The following GALK2 variants were observed in gnomAD, a reference collection of about 807,000 sequenced individuals.
The protein encoded by GALK2 is N-acetylgalactosamine kinase.
Under a neutral mutation model 52.4 loss-of-function variants are expected in GALK2, and 36 were observed. The ratio of observed to expected loss-of-function variants is 0.69; its 90% CI spans 0.53 to 0.91. The LOEUF (loss-of-function observed/expected upper bound fraction) is 0.91, where lower values mean the gene tolerates loss of function less well. GALK2 is among the 40% of genes least tolerant of loss of function. The probability of loss-of-function intolerance (pLI) is 0.00; values close to 1 mark genes in which losing one functional copy is unlikely to be tolerated. For missense variants in GALK2, 579 were observed against 559.1 expected (o/e 1.04, Z -0.36); for synonymous variants, 176 against 199.1 (o/e 0.88, Z 0.98).
chr15:49,323,555 A>G (rs942395130), intron 9 of GALK2, among the ~76,000 whole-genome samples: 1 of 152,230 alleles, frequency 6.6e-6, no homozygotes, highest in Non-Finnish European at 1.5e-5. Flanking sequence ...GTATGAAAAG[A>G]CAACTAATTG....
At position 49,281,973 on chromosome 15, in the gene GALK2, T is replaced by G. The variant is rs760794379; in HGVS notation, c.505-14T>G. 11 of 1,602,038 alleles carry G rather than the reference T, an allele frequency of 6.9e-6. No homozygotes were observed. The Admixed American group carries it at 1.7e-4, about 24-fold the overall frequency. ...ATGACTACTCACAGTACAAATCAGT[T>G]TTTACCTTTCCAGGTGGAACTTGCA... On this transcript the variant is annotated splice_polypyrimidine_tract_variant and intron_variant, in intron 5 of 9. Transcript: ENST00000560031.
chr15:49,184,243 A>G (rs2086184884), intron 1 of GALK2, among the ~76,000 whole-genome samples: 1 of 151,146 alleles, frequency 6.6e-6, no homozygotes, highest in Non-Finnish European at 1.5e-5. Flanking sequence ...CTCTTCTTAT[A>G]GTTTTTTTTT....
intron 5 of GALK2, among the ~76,000 whole-genome samples, chr15:49,245,314 G>T (rs1175084230): frequency 1.3e-5 from 2 of 152,160 alleles, no homozygotes; most frequent in Non-Finnish European, 2.9e-5. Flanking sequence ...CATTGCATTG[G>T]GGATAGGGAT....
At chr15:49,324,114 T>C (rs1447388871) in intron 9 of GALK2, among the ~76,000 whole-genome samples, 5 of 152,194 alleles carry the variant, frequency 3.3e-5, no homozygotes, top group Non-Finnish European at 5.9e-5. Flanking sequence ...GGTTAATGCC[T>C]TTTGTTTTTG....
intron 1 of GALK2, among the ~76,000 whole-genome samples, chr15:49,196,048 C>T (rs1276101956): frequency 6.6e-6 from 1 of 152,032 alleles, no homozygotes; most frequent in Non-Finnish European, 1.5e-5. Context: ...CTTTATCCCC[C>T]ATATTATTAA....
intron 8 of GALK2, among the ~76,000 whole-genome samples, chr15:49,294,500 T>C (rs1019528790): frequency 3.3e-5 from 5 of 152,166 alleles, no homozygotes; most frequent in African/African-American, 1.2e-4. Context: ...TGGGAGGTAA[T>C]CAATATTTAT....
At chr15:49,352,350 G>C (rs375063474) in intron 3 of GALK2, among the ~76,000 whole-genome samples, 35 of 152,298 alleles carry the variant, frequency 2.3e-4, no homozygotes, top group African/African-American at 8.2e-4. Flanking sequence ...GAATTGGTGA[G>C]GTCACATTGT....
intron 5 of GALK2, among the ~76,000 whole-genome samples, chr15:49,249,752 A>G (rs1218887294): frequency 2.0e-5 from 3 of 152,228 alleles, no homozygotes; most frequent in Non-Finnish European, 4.4e-5. Flanking sequence ...TGCTAGCTCT[A>G]ATAAAGAAAT....
chr15:49,219,348 A>G (rs747596784), intron 3 of GALK2, among the ~76,000 whole-genome samples: 5 of 152,060 alleles, frequency 3.3e-5, no homozygotes, highest in Middle Eastern at 3.2e-3. Flanking sequence ...TTTGCCTGAC[A>G]CCATTGATAT....
chr15:49,175,908 C>T (rs933657169), intron 1 of GALK2, among the ~76,000 whole-genome samples: 30 of 152,160 alleles, frequency 2.0e-4, no homozygotes, highest in African/African-American at 6.5e-4. Context: ...CTTGCTCAAT[C>T]GATCATGACC....
chr15:49,304,403 CAA>C (rs928138208), intron 8 of GALK2, among the ~76,000 whole-genome samples: 6 of 152,284 alleles, frequency 3.9e-5, no homozygotes, highest in Admixed American at 2.0e-4. Flanking sequence ...CATAAGTCAG[CAA>C]AAGAGTTTGT....
chr15:49,258,834 G>C (rs1283340535), intron 5 of GALK2, among the ~76,000 whole-genome samples: 7 of 145,586 alleles, frequency 4.8e-5, no homozygotes, highest in Admixed American at 2.7e-4. Context: ...GTGTGTGAGA[G>C]AGAGAGAGAG....
At position 49,170,250 on chromosome 15, in the gene GALK2, G is replaced by A; in HGVS notation, c.-73G>A. On this transcript the variant is annotated 5_prime_UTR_variant, in exon 1 of 10. Transcript: ENST00000560031. ...CCGGAAGAAAACGGCTCCTGTCACA[G>A]AAGTCTCGTGATTGCTCTGGGAGCT... is the stretch of plus-strand genomic sequence containing the variant. 1 of 1,544,826 alleles carries A rather than the reference G, an allele frequency of 6.5e-7. No homozygotes were observed. The highest frequency in any genetic ancestry group is 2.0e-5 in the Admixed American group (1 of 50,562).
At chr15:49,318,782 C>G (rs914697561) in intron 8 of GALK2, among the ~76,000 whole-genome samples, 2 of 152,138 alleles carry the variant, frequency 1.3e-5, no homozygotes, top group African/African-American at 4.8e-5. Flanking sequence ...GAACATGGCT[C>G]TAGGGCCAGG....
chr15:49,262,084 A>T lies in GALK2; in HGVS notation c.505-19903A>T, dbSNP rs185087137. On this transcript the variant is annotated intron_variant, in intron 5 of 9. Coordinates refer to ENST00000560031, the MANE Select transcript of GALK2 (RefSeq NM_002044.4). ...ACATCAGGATGATGCTGGCCTCATAAAATGAGTTAGGGAGGATTCCCTCTT... is the reference window on the plus strand; with the variant it reads ...ACATCAGGATGATGCTGGCCTCATATAATGAGTTAGGGAGGATTCCCTCTT... Among the ~76,000 whole-genome samples, 913 of 152,300 alleles carry T rather than the reference A, an allele frequency of 6.0e-3. 6 individuals are homozygous for T. The highest frequency in any genetic ancestry group is 9.9e-3 in the Admixed American group (151 of 15,308).
At chr15:49,313,324 A>G (rs1301850145) in intron 8 of GALK2, among the ~76,000 whole-genome samples, 3 of 152,222 alleles carry the variant, frequency 2.0e-5, no homozygotes, top group Non-Finnish European at 4.4e-5. Context: ...TGTGTAGTGG[A>G]TGTAGCTGAG....
chr15:49,237,622 G>A (rs1425825384), intron 4 of GALK2, among the ~76,000 whole-genome samples: 2 of 151,968 alleles, frequency 1.3e-5, no homozygotes, highest in African/African-American at 4.8e-5. Context: ...GATTACAGGT[G>A]CCTGCCACCG....
chr15:49,356,124 C>A (rs542340753), intron 3 of GALK2, among the ~76,000 whole-genome samples: 2 of 152,140 alleles, frequency 1.3e-5, no homozygotes, highest in East Asian at 1.9e-4. Flanking sequence ...CGGTACCAGC[C>A]GCTGTAAAAT....
chr15:49,261,602 A>G (rs978256524), intron 5 of GALK2, among the ~76,000 whole-genome samples: 9 of 151,274 alleles, frequency 5.9e-5, no homozygotes, highest in Admixed American at 1.3e-4. Flanking sequence ...TTCCAACACT[A>G]TGTTGAATAG....
Sources: allele counts gnomAD v4.1 joint callset (sites outside exome capture counted in the v4.1 genomes callset), GRCh38; gene constraint gnomAD v4.1.1; transcripts MANE v1.5; gene names NCBI Gene and HGNC (gene_info 2026-07-23, HGNC 2026-07-21).